The following FNBP1L variants were observed in gnomAD, a reference collection of about 807,000 sequenced individuals.
The protein encoded by FNBP1L is formin binding protein 1 like.
A neutral mutation model predicts 91.2 loss-of-function variants in FNBP1L; 36 were observed. That is an observed-to-expected ratio of 0.39 (90% CI 0.30 to 0.52). The LOEUF (loss-of-function observed/expected upper bound fraction) is 0.52. FNBP1L is among the 20% of genes least tolerant of loss of function. FNBP1L has a pLI of 0.66. For synonymous variants in FNBP1L, 242 were observed against 237.0 expected, an observed-to-expected ratio of 1.02 and a Z score of -0.19; for missense variants, 571 against 732.1, an observed-to-expected ratio of 0.78 and a Z score of 2.54.
At chr1:93,479,508 T>C (rs199722994) in intron 1 of FNBP1L, among the ~76,000 whole-genome samples, 2 of 152,154 alleles carry the variant, frequency 1.3e-5, no homozygotes, top group East Asian at 3.9e-4. Flanking sequence ...CTGAGGGTAC[T>C]GCAGGAGACC....
rs191849912 is a variant in FNBP1L at position 93,476,222 on chromosome 1, C to T, written c.25-23246C>T. 2.9e-4 allele frequency among the ~76,000 whole-genome samples: 44 copies of T among 152,262 alleles called. 1 individual carries two copies. Among genetic ancestry groups the T allele is most frequent in the Non-Finnish European group, 1.9e-4 (13 of 68,006 alleles). On this transcript the variant is annotated intron_variant, in intron 1 of 16. Transcript: ENST00000271234. The stretch of plus-strand genomic sequence containing the variant: ...ATGTTCAATTAAAGTATTTATTCAG[C>T]TCTTAGTAGACTGTAAACTCTTAAG...
intron 1 of FNBP1L, among the ~76,000 whole-genome samples, chr1:93,456,964 C>T (rs2929727): frequency 0.16 from 24,862 of 152,080 alleles, 2,247 homozygotes; most frequent in Middle Eastern, 0.19. Context: ...TCACAGCTTA[C>T]TGCAGCCTCG....
In FNBP1L at chr1:93,534,917, C is replaced by A; in HGVS notation, c.990+9C>A. The A allele has an allele frequency of 6.4e-7, 1 of 1,556,014 alleles. No individual in the cohort carries two copies. The highest frequency in any genetic ancestry group is 1.2e-5 in the South Asian group (1 of 84,166). On this transcript the variant is annotated intron_variant, in intron 9 of 16. Transcript: ENST00000271234. ...TTGGAAAGAAGCCAAAGGTAAAAGT[C>A]ATAAAATTCCTATATGCTAATCAGT...
chr1:93,519,361 C>T (rs1391140573), intron 2 of FNBP1L, among the ~76,000 whole-genome samples: 1 of 152,162 alleles, frequency 6.6e-6, no homozygotes, highest in Non-Finnish European at 1.5e-5. Context: ...ATTAGATCTT[C>T]TCTAATGAGC....
chr1:93,468,197 A>G (rs1421369976), intron 1 of FNBP1L, among the ~76,000 whole-genome samples: 1 of 152,210 alleles, frequency 6.6e-6, no homozygotes, highest in Non-Finnish European at 1.5e-5. Flanking sequence ...AAATGGAATT[A>G]TAGCATATGT....
intron 11 of FNBP1L, among the ~76,000 whole-genome samples, chr1:93,543,444 A>G (rs190353044): frequency 6.6e-6 from 1 of 152,292 alleles, no homozygotes; most frequent in East Asian, 1.9e-4. Context: ...TTTGGTTTAC[A>G]AAAGGTTAAT....
At chr1:93,479,147 A>G (rs1246300934) in intron 1 of FNBP1L, among the ~76,000 whole-genome samples, 2 of 152,224 alleles carry the variant, frequency 1.3e-5, no homozygotes, top group Admixed American at 6.5e-5. Context: ...TGGGGGTGAC[A>G]TCACATATCG....
chr1:93,465,690 A>G (rs1669051337), intron 1 of FNBP1L, among the ~76,000 whole-genome samples: 1 of 152,242 alleles, frequency 6.6e-6, no homozygotes, highest in Non-Finnish European at 1.5e-5. Flanking sequence ...TTATAGTAGC[A>G]TGATTTGTAA....
At chr1:93,456,149 T>TAATGTGGGAGTC (rs1668650059) in intron 1 of FNBP1L, among the ~76,000 whole-genome samples, 1 of 152,184 alleles carries the variant, frequency 6.6e-6, no homozygotes, top group Non-Finnish European at 1.5e-5. Context: ...AGTCAGCATT[T>TAATGTGGGAGTC]AGAATCTGTA....
intron 2 of FNBP1L, among the ~76,000 whole-genome samples, chr1:93,503,210 AATC>A (rs769990855): frequency 6.6e-6 from 1 of 152,144 alleles, no homozygotes; most frequent in Non-Finnish European, 1.5e-5. Context: ...GTAAACTTAT[AATC>A]ATGGTGGAAG....
chr1:93,468,257 C>T (rs1246769116), intron 1 of FNBP1L, among the ~76,000 whole-genome samples: 2 of 152,154 alleles, frequency 1.3e-5, no homozygotes, highest in African/African-American at 2.4e-5. Context: ...TTTCAAGGCT[C>T]ATGCATACTG....
At chr1:93,479,979 T>A (rs1669637173) in intron 1 of FNBP1L, among the ~76,000 whole-genome samples, 2 of 152,222 alleles carry the variant, frequency 1.3e-5, no homozygotes, top group Non-Finnish European at 1.5e-5. Flanking sequence ...AACTGATAAC[T>A]GTCCAGGAAA....
At chr1:93,547,130 TAA>T (rs1246896511) in intron 13 of FNBP1L, among the ~76,000 whole-genome samples, 156 bp downstream of exon 13, 1 of 152,194 alleles carries the variant, frequency 6.6e-6, no homozygotes, top group Non-Finnish European at 1.5e-5. Flanking sequence ...TTAATCTCAT[TAA>T]AGTTTTTTAT....
chr1:93,531,935 TTTAAG>T (rs1279528485), intron 7 of FNBP1L, among the ~76,000 whole-genome samples: 1 of 152,110 alleles, frequency 6.6e-6, no homozygotes, highest in Non-Finnish European at 1.5e-5. Flanking sequence ...AAAAAATGCC[TTTAAG>T]TTATTGGACT....
rs1271367450 is a variant in FNBP1L at position 93,547,391 on chromosome 1, C to T, written c.1452C>T (p.Asp484=). The change falls in exon 14 of 17, where the codon GAC becomes GAT. Residue 484 remains aspartate, a synonymous_variant. Transcript: ENST00000271234. The part of the protein sequence containing the change: ...EVEGKTGGRG[D]RRHSSDINHL... ...AAGGCAAAACAGGTGGGAGAGGAGA[C>T]AGAAGACATAGCAGTGACATAAATC... is the stretch of plus-strand genomic sequence containing the variant. 1.3e-6 allele frequency: 2 copies of T among 1,562,406 alleles called. No homozygotes were observed. The highest frequency in any genetic ancestry group is 1.7e-6 in the Non-Finnish European group (2 of 1,152,628).
chr1:93,472,007 T>C (rs756596103), intron 1 of FNBP1L, among the ~76,000 whole-genome samples: 7 of 152,204 alleles, frequency 4.6e-5, no homozygotes, highest in East Asian at 1.9e-4. Context: ...TAATTAGCAG[T>C]ACAGAAATCT....
chr1:93,521,141 T>C (rs1337425564), intron 2 of FNBP1L, among the ~76,000 whole-genome samples: 1 of 152,182 alleles, frequency 6.6e-6, no homozygotes, highest in Non-Finnish European at 1.5e-5. Context: ...AAAGTCCATA[T>C]GCTAGTCTCT....
intron 1 of FNBP1L, among the ~76,000 whole-genome samples, chr1:93,480,765 T>C (rs1343106412): frequency 6.6e-6 from 1 of 152,084 alleles, no homozygotes; most frequent in African/African-American, 2.4e-5. Context: ...GGTTTCACCG[T>C]GTTAGCCAGG....
chr1:93,468,246 T>C (rs929554913), intron 1 of FNBP1L, among the ~76,000 whole-genome samples: 4 of 152,230 alleles, frequency 2.6e-5, no homozygotes, highest in Admixed American at 2.6e-4. Context: ...AGTTTAAATG[T>C]TTTCAAGGCT....
Sources: allele counts gnomAD v4.1 joint callset (sites outside exome capture counted in the v4.1 genomes callset), GRCh38; gene constraint gnomAD v4.1.1; transcripts MANE v1.5; gene names NCBI Gene and HGNC (gene_info 2026-07-23, HGNC 2026-07-21).